FILIP1L: variants seen among roughly 807,000 people sequenced by gnomAD.
FILIP1L encodes filamin A-interacting protein 1-like.
In FILIP1L, 55 loss-of-function variants were observed where a neutral mutation model predicts 96.6. That is an observed-to-expected ratio of 0.57 (90% confidence interval 0.46 to 0.71). FILIP1L has a LOEUF of 0.71. Ranked by LOEUF, FILIP1L falls within the 30% of genes least tolerant of loss-of-function variation. FILIP1L has a pLI of 0.00. For missense variants in FILIP1L, 1,304 were observed against 1,321.2 expected (o/e 0.99, Z 0.20); for synonymous variants, 467 against 473.9 (o/e 0.99, Z 0.19).
rs1287104926 is a variant in FILIP1L at position 99,930,850 on chromosome 3, G to A, written c.171C>T (p.His57=). ...CTTCTGCTTGGTGGCCATTACCACTGTGTGGCTTCTCTGCCTTGGGACACG... is the reference window on the plus strand; with the variant it reads ...CTTCTGCTTGGTGGCCATTACCACTATGTGGCTTCTCTGCCTTGGGACACG... ...ILPCPKAEKP[H]SGNGHQAEDL... The change falls in exon 2 of 6, where the codon CAC becomes CAT. Residue 57 remains histidine (H), a synonymous_variant. Coordinates refer to ENST00000477258, the MANE Select transcript of FILIP1L (RefSeq NM_001387850.1). 6.2e-7 allele frequency: 1 copy of A among 1,612,922 alleles called. No individual in the cohort carries two copies. The highest frequency in any genetic ancestry group is 8.5e-7 in the Non-Finnish European group (1 of 1,179,692).
chr3:100,015,302 A>G (rs779456925), intron 1 of FILIP1L, among the ~76,000 whole-genome samples: 1 of 152,054 alleles, frequency 6.6e-6, no homozygotes, highest in South Asian at 2.1e-4. Context: ...ATAGCTTTAT[A>G]GTGTATTTTT....
intron 4 of FILIP1L, among the ~76,000 whole-genome samples, chr3:99,909,033 T>G (rs1559684298): frequency 6.6e-6 from 1 of 152,216 alleles, no homozygotes; most frequent in Non-Finnish European, 1.5e-5. Context: ...AACCTTTGTG[T>G]GTGCATGTGT....
intron 1 of FILIP1L, among the ~76,000 whole-genome samples, chr3:100,007,576 G>A (rs943666582): frequency 4.6e-5 from 7 of 152,184 alleles, no homozygotes; most frequent in Non-Finnish European, 1.0e-4. Context: ...CCAACTCTCA[G>A]TTATGTGACT....
chr3:99,833,488 CAT>C (rs764875262), intron 5 of FILIP1L, among the ~76,000 whole-genome samples: 9 of 152,332 alleles, frequency 5.9e-5, no homozygotes, highest in Non-Finnish European at 1.2e-4. Context: ...CCAATTTCTA[CAT>C]GACTCTTTTG....
intron 1 of FILIP1L, among the ~76,000 whole-genome samples, chr3:99,950,168 G>C (rs1708133215): frequency 6.6e-6 from 1 of 152,120 alleles, no homozygotes; most frequent in African/African-American, 2.4e-5. Context: ...ACTGTAGATA[G>C]GACTTTTTTC....
At chr3:99,890,365 T>G (rs1190877182) in intron 4 of FILIP1L, among the ~76,000 whole-genome samples, 2 of 152,120 alleles carry the variant, frequency 1.3e-5, no homozygotes, top group South Asian at 4.1e-4. Flanking sequence ...CAGGTTTCAT[T>G]GAGCTTCCTG....
chr3:100,058,744 A>G (rs1559742810), intron 1 of FILIP1L, among the ~76,000 whole-genome samples: 2 of 152,230 alleles, frequency 1.3e-5, no homozygotes, highest in Non-Finnish European at 2.9e-5. Context: ...GAGGCTTTTC[A>G]GTAGAAGGAG....
rs143813123 is a variant in FILIP1L at position 99,966,638 on chromosome 3, C to A, written c.-10-35608G>T. On this transcript the variant is annotated intron_variant, in intron 1 of 5. Transcript: ENST00000477258. ...TGTATATACAGTTTGATTTAAGATGCCACATTTACATGGCATTTTCAACCT... is the reference window on the plus strand; with the variant it reads ...TGTATATACAGTTTGATTTAAGATGACACATTTACATGGCATTTTCAACCT... 3.1e-3 allele frequency among the ~76,000 whole-genome samples: 473 copies of A among 152,250 alleles called. 4 individuals are homozygous for A. Among genetic ancestry groups the A allele is most frequent in the African/African-American group, 0.011 (447 of 41,544 alleles).
At chr3:100,105,216 G>A (rs2066374396) in intron 1 of FILIP1L, among the ~76,000 whole-genome samples, 1 of 152,150 alleles carries the variant, frequency 6.6e-6, no homozygotes, top group Non-Finnish European at 1.5e-5. Context: ...AGTAGATAAT[G>A]TATTCTCCTA....
chr3:100,106,151 A>G (rs2066391673), intron 1 of FILIP1L, among the ~76,000 whole-genome samples: 3 of 152,156 alleles, frequency 2.0e-5, no homozygotes, highest in Admixed American at 2.0e-4. Flanking sequence ...TCAGATACAG[A>G]TACCACATAG....
chr3:99,882,157 A>G (rs1050200308), intron 4 of FILIP1L, among the ~76,000 whole-genome samples: 4 of 152,224 alleles, frequency 2.6e-5, no homozygotes, highest in Admixed American at 6.5e-5. Flanking sequence ...CTGAGAAAAT[A>G]AAGCATCCAG....
intron 1 of FILIP1L, among the ~76,000 whole-genome samples, chr3:100,053,086 T>A (rs906912729): frequency 1.3e-5 from 2 of 152,178 alleles, no homozygotes; most frequent in Non-Finnish European, 2.9e-5. Context: ...GTTGACAGTA[T>A]GCTTCCTGTG....
rs374700618 is a variant in FILIP1L at position 100,114,494 on chromosome 3, CTG to C, written c.-454_-453del. 227 of 153,428 alleles carry C rather than the reference CTG, an allele frequency of 1.5e-3. No homozygotes were observed. Among genetic ancestry groups the C allele is most frequent in the South Asian group, 2.9e-3 (14 of 4,892 alleles). The allele number at this position is 153,428 out of a possible 1,614,324, so 9.5% of individuals were successfully genotyped here. On this transcript the variant is annotated 5_prime_UTR_variant, in exon 1 of 6. Transcript: ENST00000477258. ...GCAGGCACAGGCTCCGTGAGCACGT[CTG>C]TGTGTGTGTGTGTGTGTCTGTGTAT...
intron 1 of FILIP1L, among the ~76,000 whole-genome samples, chr3:100,087,439 T>C (rs2066029355): frequency 6.6e-6 from 1 of 152,214 alleles, no homozygotes; most frequent in African/African-American, 2.4e-5. Flanking sequence ...GTCATTCTAA[T>C]AGTGGTATCT....
At chr3:99,901,428 T>C (rs1706432308) in intron 4 of FILIP1L, among the ~76,000 whole-genome samples, 1 of 152,198 alleles carries the variant, frequency 6.6e-6, no homozygotes, top group African/African-American at 2.4e-5. Flanking sequence ...ACAATGCACT[T>C]TTGTAATTTT....
chr3:100,073,356 A>G (rs944353271), intron 1 of FILIP1L, among the ~76,000 whole-genome samples: 4 of 152,206 alleles, frequency 2.6e-5, no homozygotes, highest in Admixed American at 1.3e-4. Flanking sequence ...GTCCTTCACA[A>G]AAAAAGTTTG....
intron 1 of FILIP1L, among the ~76,000 whole-genome samples, chr3:99,933,154 C>T (rs1363650291): frequency 1.3e-5 from 2 of 152,208 alleles, no homozygotes; most frequent in Middle Eastern, 3.2e-3. Flanking sequence ...CAGGGACCCA[C>T]ACTCTTAAAA....
At chr3:99,985,245 T>C (rs1448760846) in intron 1 of FILIP1L, among the ~76,000 whole-genome samples, 2 of 152,122 alleles carry the variant, frequency 1.3e-5, no homozygotes, top group East Asian at 3.9e-4. Flanking sequence ...AAGAAAGTGA[T>C]CTAGGGCCCA....
At position 100,053,450 on chromosome 3, in the gene FILIP1L, A is replaced by C. The variant is rs375440746; in HGVS notation, c.-11+60603T>G. ...CCCAAATCTGCCGCTGTCTTTACAT[A>C]GTTGTCTTCCCTCGTTGTGTCTGTA... On this transcript the variant is annotated intron_variant, in intron 1 of 5. Coordinates refer to ENST00000477258, the MANE Select transcript of FILIP1L (RefSeq NM_001387850.1). Among the ~76,000 whole-genome samples, 19 of 152,242 alleles carry C rather than the reference A, an allele frequency of 1.2e-4. No homozygotes were observed. The East Asian group carries it at 2.3e-3, about 19-fold the overall frequency.
Sources: allele counts gnomAD v4.1 joint callset (sites outside exome capture counted in the v4.1 genomes callset), GRCh38; gene constraint gnomAD v4.1.1; transcripts MANE v1.5; gene names NCBI Gene and HGNC (gene_info 2026-07-23, HGNC 2026-07-21).